Variants in ERI3 observed in about 807,000 individuals in gnomAD.
ERI3 encodes the protein ERI1 exoribonuclease 3.
ERI3 carries 18 observed loss-of-function variants against 44.4 expected under a neutral mutation model. The ratio of observed to expected loss-of-function variants is 0.41; its 90% confidence interval spans 0.28 to 0.60. The LOEUF is 0.60. ERI3 is among the 20% of genes least tolerant of loss of function. The pLI is 0.36. For synonymous variants in ERI3, 183 were observed against 164.8 expected (o/e 1.11, Z -0.84); for missense variants, 294 against 435.5 (o/e 0.68, Z 2.89).
chr1:44,286,743 T>C (rs1645401674), intron 6 of ERI3, among the ~76,000 whole-genome samples: 1 of 152,202 alleles, frequency 6.6e-6, no homozygotes, highest in African/African-American at 2.4e-5. Context: ...CTGTAACTTC[T>C]ACCCATGGGT....
chr1:44,264,644 C>T lies in ERI3; in HGVS notation c.832-16606G>A, dbSNP rs569688820. On this transcript the variant is annotated intron_variant, in intron 7 of 8. Transcript: ENST00000372257. ...CTGCTGCCAGCATCGAGGACAAGGA[C>T]GGCAAAGTGTGAAGGCCACTTCAAG... 1.3e-4 allele frequency among the ~76,000 whole-genome samples: 20 copies of T among 152,296 alleles called. No homozygotes were observed. The South Asian group carries it at 2.7e-3, about 21-fold the overall frequency.
intron 3 of ERI3, among the ~76,000 whole-genome samples, chr1:44,325,075 CTTT>C (rs3054114): frequency 7.7e-4 from 72 of 93,890 alleles, no homozygotes; most frequent in East Asian, 9.2e-4. Context: ...TTAAACACAG[CTTT>C]TTTTTTTTTT....
chr1:44,310,963 G>GCACACACA (rs58344074), intron 5 of ERI3, among the ~76,000 whole-genome samples: 8 of 123,190 alleles, frequency 6.5e-5, no homozygotes, highest in Non-Finnish European at 8.5e-5. Context: ...GCGCGCGCGC[G>GCACACACA]CACACACACA....
rs554018977 is a variant in ERI3 at position 44,315,530 on chromosome 1, C to G, written c.607-2302G>C. ...CACCTGGAGCTGGGGAAATGGAGCT[C>G]CAGCATCCTGGGGCTTTCACAAACT... On this transcript the variant is annotated intron_variant, in intron 4 of 8. Transcript: ENST00000372257. Among the ~76,000 whole-genome samples, 254 of 152,364 alleles carry G rather than the reference C, an allele frequency of 1.7e-3. 1 individual carries two copies. Among genetic ancestry groups the G allele is most frequent in the African/African-American group, 5.9e-3 (244 of 41,582 alleles).
At position 44,221,752 on chromosome 1, in the gene ERI3, C is replaced by G; in HGVS notation, c.932-112G>C. 1 of 829,730 alleles carries G rather than the reference C, an allele frequency of 1.2e-6. No homozygotes were observed. The highest frequency in any genetic ancestry group is 1.5e-5 in the South Asian group (1 of 65,612). The allele number at this position is 829,730 out of a possible 1,614,324, so 51.4% of individuals were successfully genotyped here. On this transcript the variant is annotated intron_variant, in intron 8 of 8. Transcript: ENST00000372257. The surrounding 1 kb of genome is among the most constrained non-coding windows in gnomAD (Gnocchi z 5.9). ...CAGGGTCAGATTCAGGAGACACAGG[C>G]TTTAGAGAGGGTGGTCCCATCCCCT...
chr1:44,335,071 G>A (rs1232539684), intron 3 of ERI3, among the ~76,000 whole-genome samples: 11 of 152,172 alleles, frequency 7.2e-5, no homozygotes, highest in Non-Finnish European at 1.3e-4. Context: ...TGGCTGTGGT[G>A]GCTCACACCT....
intron 8 of ERI3, chr1:44,242,225 C>A (rs141225400): frequency 6.9e-6 from 6 of 875,316 alleles, no homozygotes; most frequent in Non-Finnish European, 8.2e-6. Context: ...CACAAGGCAG[C>A]TGGGCTGACT....
At chr1:44,284,144 C>A in intron 7 of ERI3, 1 of 457,422 alleles carries the variant, frequency 2.2e-6, no homozygotes. Context: ...TCCTCTAGAG[C>A]AGGGATACTC....
At chr1:44,329,031 CT>C (rs1224120719) in intron 3 of ERI3, among the ~76,000 whole-genome samples, 1 of 152,198 alleles carries the variant, frequency 6.6e-6, no homozygotes, top group Non-Finnish European at 1.5e-5. Context: ...TGCCTGCTTC[CT>C]TTAGGAATAC....
At chr1:44,231,576 C>T (rs1644185408) in intron 8 of ERI3, among the ~76,000 whole-genome samples, 1 of 151,996 alleles carries the variant, frequency 6.6e-6, no homozygotes, top group Admixed American at 6.6e-5. Context: ...GCTATGTTAC[C>T]AAGGCTGGTT....
At chr1:44,323,418 T>C (rs186125277) in intron 3 of ERI3, among the ~76,000 whole-genome samples, 25 of 152,380 alleles carry the variant, frequency 1.6e-4, no homozygotes, top group Admixed American at 1.5e-3. Context: ...TTTCTTATTT[T>C]ACCCTCCTTA....
intron 2 of ERI3, among the ~76,000 whole-genome samples, chr1:44,348,228 TGAAA>T (rs1390745961): frequency 1.3e-5 from 2 of 150,714 alleles, no homozygotes; most frequent in Non-Finnish European, 3.0e-5. Flanking sequence ...CGAAAAAGAG[TGAAA>T]GAAAGAGTGA....
At chr1:44,226,778 A>C (rs901533606) in intron 8 of ERI3, among the ~76,000 whole-genome samples, 2 of 143,374 alleles carry the variant, frequency 1.4e-5, no homozygotes, top group East Asian at 4.1e-4. Context: ...AGCATTATTA[A>C]ACACACACAC....
At chr1:44,240,332 A>G (rs1464494942) in intron 8 of ERI3, among the ~76,000 whole-genome samples, 1 of 152,156 alleles carries the variant, frequency 6.6e-6, no homozygotes. Context: ...TTAGCCTAGT[A>G]GGAGGTTTGA....
At chr1:44,331,177 T>C (rs140151318) in intron 3 of ERI3, among the ~76,000 whole-genome samples, 1 of 152,310 alleles carries the variant, frequency 6.6e-6, no homozygotes, top group African/African-American at 2.4e-5. Flanking sequence ...TTCCTGCCTC[T>C]TCATCAGTCA....
At chr1:44,345,118 G>A (rs534602115) in intron 2 of ERI3, among the ~76,000 whole-genome samples, 1 of 152,366 alleles carries the variant, frequency 6.6e-6, no homozygotes, top group South Asian at 2.1e-4. Flanking sequence ...TTACCTGAGA[G>A]ACCAAAGAAG....
At chr1:44,310,631 G>A (rs1020859061) in intron 5 of ERI3, among the ~76,000 whole-genome samples, 2 of 152,144 alleles carry the variant, frequency 1.3e-5, no homozygotes, top group East Asian at 3.9e-4. Context: ...AGTATCTTAA[G>A]TAAGATTACT....
At chr1:44,259,786 G>T (rs1396718577) in intron 7 of ERI3, among the ~76,000 whole-genome samples, 1 of 150,972 alleles carries the variant, frequency 6.6e-6, no homozygotes, top group Admixed American at 6.6e-5. Flanking sequence ...TAAGGTGAGT[G>T]GGAGAATCCC....
intron 7 of ERI3, among the ~76,000 whole-genome samples, chr1:44,258,385 T>A (rs1280265256): frequency 1.3e-5 from 2 of 152,210 alleles, no homozygotes; most frequent in Admixed American, 6.5e-5. Context: ...CAAAGGTATA[T>A]GCATGCTTGC....
Sources: gnomAD v4.1 joint callset for allele counts (sites outside exome capture counted in the v4.1 genomes callset) on GRCh38, gnomAD v4.1.1 for gene constraint, Gnocchi (gnomAD v3.1) non-coding constraint, MANE v1.5 for transcripts, NCBI Gene and HGNC (gene_info 2026-07-23, HGNC 2026-07-21) for gene names.